LARP4B: variants seen among roughly 807,000 people sequenced by gnomAD.
The protein encoded by LARP4B is la-related protein 4B.
Under a neutral mutation model 89.8 loss-of-function variants are expected in LARP4B, and 12 were observed. The ratio of observed to expected loss-of-function variants is 0.13; its 90% CI spans 0.09 to 0.22. LARP4B has a LOEUF of 0.22. Ranked by LOEUF, LARP4B falls within the 10% of genes least tolerant of loss-of-function variation. The pLI is 1.00. For synonymous variants in LARP4B, 367 were observed against 363.3 expected, an observed-to-expected ratio of 1.01 and a Z score of -0.12; for missense variants, 757 against 947.7, an observed-to-expected ratio of 0.80 and a Z score of 2.64.
At chr10:974,809 T>C in the LARP4B span, among the ~76,000 whole-genome samples, 3 of 152,376 alleles carry the variant, frequency 2.0e-5, no homozygotes, top group Admixed American at 2.0e-4. Flanking sequence ...TTCACGCTCA[T>C]CGAAAGCTTG....
the LARP4B span, chr10:985,352 T>C: frequency 6.6e-6 from 1 of 152,384 alleles, no homozygotes; most frequent in East Asian, 1.9e-4. Flanking sequence ...TGCTCACTTA[T>C]TAATGCCTGT....
intron 1 of LARP4B, among the ~76,000 whole-genome samples, chr10:911,998 A>T (rs192849429): frequency 6.6e-6 from 1 of 152,294 alleles, no homozygotes; most frequent in East Asian, 1.9e-4. Flanking sequence ...CCACCAAGTG[A>T]TAAGATTCCC....
chr10:873,963 G>C lies in LARP4B; in HGVS notation c.142-9693C>G, dbSNP rs1461692424. Among the ~76,000 whole-genome samples the C allele has an allele frequency of 3.3e-5, 5 of 152,196 alleles. No individual in the cohort carries two copies. In the East Asian group the frequency reaches 9.6e-4, roughly 29 times the overall value. ...GACAGTAGTCCAGGCCGGACGTGGT[G>C]GCTCATGCCTGTAATCCCAGCACTT... On this transcript the variant is annotated intron_variant, in intron 3 of 17. Transcript: ENST00000316157.
the LARP4B span, among the ~76,000 whole-genome samples, chr10:970,692 GTGT>G: frequency 6.6e-6 from 1 of 152,138 alleles, no homozygotes; most frequent in Admixed American, 6.5e-5. Context: ...AAGGTCAGAG[GTGT>G]TGTTTTCTTT....
chr10:928,258 C>T (rs1346780384), intron 1 of LARP4B, among the ~76,000 whole-genome samples: 1 of 151,364 alleles, frequency 6.6e-6, no homozygotes, highest in Non-Finnish European at 1.5e-5. Context: ...GTACCTTTAA[C>T]ACTAGGATAA....
the LARP4B span, among the ~76,000 whole-genome samples, chr10:967,215 G>A: frequency 6.6e-6 from 1 of 152,184 alleles, no homozygotes; most frequent in Non-Finnish European, 1.5e-5. Context: ...CAGGACAAAC[G>A]GAAAGCTATT....
intron 1 of LARP4B, 109 bp downstream of exon 1, chr10:931,318 GC>G (rs1830599514): frequency 6.6e-6 from 1 of 151,392 alleles, no homozygotes; most frequent in South Asian, 1.8e-4. Flanking sequence ...GCCCGGCCCT[GC>G]CCGCCGCGGC....
chr10:918,110 A>C (rs1197147356), intron 1 of LARP4B, among the ~76,000 whole-genome samples: 1 of 152,208 alleles, frequency 6.6e-6, no homozygotes, highest in Admixed American at 6.5e-5. Context: ...TGAAATTCAA[A>C]GACTACAGAA....
At chr10:846,843 C>T (rs528388388) in intron 5 of LARP4B, among the ~76,000 whole-genome samples, 2 of 152,206 alleles carry the variant, frequency 1.3e-5, no homozygotes, top group South Asian at 4.2e-4. Flanking sequence ...ACACTCCCAC[C>T]TTCAGCAGGA....
chr10:913,592 T>C (rs544349669), intron 1 of LARP4B, among the ~76,000 whole-genome samples: 63 of 152,314 alleles, frequency 4.1e-4, no homozygotes, highest in South Asian at 1.0e-3. Context: ...AAGAAATAAA[T>C]TGAGATGATG....
chr10:935,899 T>TG (rs1171903926), upstream of LARP4B, among the ~76,000 whole-genome samples: 6 of 150,686 alleles, frequency 4.0e-5, no homozygotes, highest in African/African-American at 1.5e-4. Context: ...TTGTTGTTTT[T>TG]TTTTTTTGTT....
chr10:882,972 G>A (rs1332823559), intron 3 of LARP4B, among the ~76,000 whole-genome samples: 1 of 152,158 alleles, frequency 6.6e-6, no homozygotes, highest in African/African-American at 2.4e-5. Flanking sequence ...TATGAAGCAT[G>A]TAACTCTCCA....
intron 1 of LARP4B, among the ~76,000 whole-genome samples, chr10:922,489 G>A (rs1837007764): frequency 6.6e-6 from 1 of 152,076 alleles, no homozygotes; most frequent in Non-Finnish European, 1.5e-5. Flanking sequence ...TGAGGCTGGA[G>A]GATCACTTGA....
intron 1 of LARP4B, among the ~76,000 whole-genome samples, chr10:889,767 T>C (rs1835962413): frequency 6.6e-6 from 1 of 151,970 alleles, no homozygotes; most frequent in Non-Finnish European, 1.5e-5. Flanking sequence ...CCGGCCAAAG[T>C]GGTGAAACCC....
intron 5 of LARP4B, among the ~76,000 whole-genome samples, chr10:846,854 G>A (rs1833803068): frequency 6.6e-6 from 1 of 152,144 alleles, no homozygotes; most frequent in Non-Finnish European, 1.5e-5. Flanking sequence ...TTCAGCAGGA[G>A]GCAAGCGCAT....
intron 3 of LARP4B, among the ~76,000 whole-genome samples, chr10:865,195 C>G (rs769201821): frequency 6.6e-6 from 1 of 152,186 alleles, no homozygotes; most frequent in Non-Finnish European, 1.5e-5. Flanking sequence ...GACCATGAAG[C>G]TGCTAGTCCA....
At chr10:893,520 C>T (rs1177990037) in intron 1 of LARP4B, among the ~76,000 whole-genome samples, 1 of 152,202 alleles carries the variant, frequency 6.6e-6, no homozygotes, top group South Asian at 2.1e-4. Context: ...ACTATTACCA[C>T]TGATATCCTT....
At chr10:940,463 AT>A in the LARP4B span, among the ~76,000 whole-genome samples, 1 of 152,138 alleles carries the variant, frequency 6.6e-6, no homozygotes, top group Non-Finnish European at 1.5e-5. Flanking sequence ...TAATTTTTGT[AT>A]TTTTAGTAGA....
At chr10:825,020 A>G in intron 13 of LARP4B, 45 bp downstream of exon 13, 1 of 1,511,418 alleles carries the variant, frequency 6.6e-7, no homozygotes, top group Non-Finnish European at 8.9e-7. Context: ...ATAATTTTTA[A>G]AATATTAGTT....
Sources: allele counts gnomAD v4.1 joint callset (sites outside exome capture counted in the v4.1 genomes callset), GRCh38; gene constraint gnomAD v4.1.1; transcripts MANE v1.5; gene names NCBI Gene and HGNC (gene_info 2026-07-23, HGNC 2026-07-21).